Variants in PIP5K1B observed in about 807,000 individuals in gnomAD.
PIP5K1B encodes phosphatidylinositol-4-phosphate 5-kinase type 1 beta.
In PIP5K1B, 42 loss-of-function variants were observed where a neutral mutation model predicts 67.0. That is an observed-to-expected ratio of 0.63 (90% CI 0.49 to 0.81). The LOEUF (loss-of-function observed/expected upper bound fraction) is 0.81, where lower values mean the gene tolerates loss of function less well. PIP5K1B is among the 30% of genes least tolerant of loss of function. The pLI is 0.00. For missense variants in PIP5K1B, 459 were observed against 646.3 expected (o/e 0.71, Z 3.14); for synonymous variants, 214 against 231.4 (o/e 0.92, Z 0.68).
At chr9:69,005,108 T>C (rs1831016241) in intron 15 of PIP5K1B, among the ~76,000 whole-genome samples, 1 of 140,540 alleles carries the variant, frequency 7.1e-6, no homozygotes, top group African/African-American at 2.5e-5. Flanking sequence ...TTCTATGACA[T>C]CCTTAGTTTA....
intron 1 of PIP5K1B, among the ~76,000 whole-genome samples, chr9:68,724,665 A>G (rs1828067066): frequency 6.6e-6 from 1 of 151,826 alleles, no homozygotes; most frequent in South Asian, 2.1e-4. Flanking sequence ...TGAGTTTATT[A>G]CTAGGTTTTT....
At chr9:68,804,584 T>C (rs1832765598) in intron 2 of PIP5K1B, among the ~76,000 whole-genome samples, 1 of 138,396 alleles carries the variant, frequency 7.2e-6, no homozygotes, top group African/African-American at 2.7e-5. Context: ...TCTTCTAGTT[T>C]TCAATTTTTT....
intron 14 of PIP5K1B, among the ~76,000 whole-genome samples, chr9:68,952,294 G>A (rs1015465394): frequency 6.6e-6 from 1 of 152,166 alleles, no homozygotes; most frequent in African/African-American, 2.4e-5. Flanking sequence ...ATGAGGTTCT[G>A]TTCCTTTTAT....
At chr9:68,975,369 A>T (rs1829588934) in intron 14 of PIP5K1B, among the ~76,000 whole-genome samples, 1 of 152,252 alleles carries the variant, frequency 6.6e-6, no homozygotes, top group East Asian at 1.9e-4. Flanking sequence ...GCACCCAGCC[A>T]CGTCTTACTT....
chr9:68,707,297 C>T (rs1290385526), intron 1 of PIP5K1B, among the ~76,000 whole-genome samples: 1 of 152,190 alleles, frequency 6.6e-6, no homozygotes, highest in African/African-American at 2.4e-5. Flanking sequence ...AATAATAACA[C>T]CTTACATTTG....
At chr9:68,914,404 A>G (rs778761582) in intron 8 of PIP5K1B, among the ~76,000 whole-genome samples, 2 of 152,168 alleles carry the variant, frequency 1.3e-5, no homozygotes, top group Non-Finnish European at 2.9e-5. Flanking sequence ...GCAGGGCAGA[A>G]GACTGTGTTT....
At chr9:68,880,570 CACACACACACACACACACGCAT>C (rs1318928108) in intron 6 of PIP5K1B, among the ~76,000 whole-genome samples, 2 of 52,130 alleles carry the variant, frequency 3.8e-5, no homozygotes, top group African/African-American at 1.0e-4. Context: ...CACACACACA[CACACACACACACACACACGCAT>C]ACACACACAC....
intron 2 of PIP5K1B, among the ~76,000 whole-genome samples, chr9:68,775,180 C>A (rs1443902605): frequency 6.6e-6 from 1 of 152,132 alleles, no homozygotes; most frequent in African/African-American, 2.4e-5. Flanking sequence ...AATTTAATGC[C>A]CTTTCCATCT....
At chr9:68,866,018 A>C (rs945572) in intron 5 of PIP5K1B, among the ~76,000 whole-genome samples, 2,727 of 152,320 alleles carry the variant, frequency 0.018, 73 homozygotes, top group African/African-American at 0.058. Flanking sequence ...AGCACTTTGC[A>C]TCTTTGGCCT....
chr9:68,869,035 T>C (rs959693669), intron 5 of PIP5K1B, among the ~76,000 whole-genome samples: 2 of 152,192 alleles, frequency 1.3e-5, no homozygotes, highest in African/African-American at 4.8e-5. Context: ...AAATATTGCC[T>C]CATATCATCA....
intron 13 of PIP5K1B, among the ~76,000 whole-genome samples, chr9:68,940,375 T>C (rs1002943171): frequency 1.3e-5 from 2 of 152,200 alleles, no homozygotes; most frequent in Non-Finnish European, 2.9e-5. Context: ...AAATAGTAAA[T>C]CACTTTATTA....
chr9:69,007,526 T>C (rs980894539), intron 15 of PIP5K1B, among the ~76,000 whole-genome samples: 3 of 152,286 alleles, frequency 2.0e-5, no homozygotes, highest in Admixed American at 6.5e-5. Context: ...ACAACAAGGT[T>C]CCAAGAAGAT....
chr9:68,754,944 C>A (rs1829847782), intron 2 of PIP5K1B, among the ~76,000 whole-genome samples: 1 of 152,090 alleles, frequency 6.6e-6, no homozygotes, highest in African/African-American at 2.4e-5. Context: ...AGCAGTTGAA[C>A]TCTGTGAAAA....
chr9:68,778,541 C>T (rs931887486), intron 2 of PIP5K1B, among the ~76,000 whole-genome samples: 2 of 152,196 alleles, frequency 1.3e-5, no homozygotes, highest in Non-Finnish European at 2.9e-5. Flanking sequence ...TCTAACTCAA[C>T]ACATATCCTC....
rs556889882 is a variant in PIP5K1B, at chr9:68,958,534, T to C, written c.1502+17744T>C. ...TTTGTGCAAATCTTAGAGAAATTTT[T>C]CTCAGTATTCATTTTTATTGAGACA... On this transcript the variant is annotated intron_variant, in intron 14 of 15. Coordinates refer to ENST00000265382, the MANE Select transcript of PIP5K1B (RefSeq NM_003558.4). Among the ~76,000 whole-genome samples, 388 of 152,334 alleles carry C rather than the reference T, an allele frequency of 2.5e-3. 3 individuals are homozygous for C. Among genetic ancestry groups the C allele is most frequent in the African/African-American group, 9.0e-3 (373 of 41,572 alleles).
At chr9:68,746,229 T>A (rs1249647303) in intron 2 of PIP5K1B, among the ~76,000 whole-genome samples, 7 of 151,976 alleles carry the variant, frequency 4.6e-5, no homozygotes, top group Middle Eastern at 3.4e-3. Context: ...CAGGCATGCA[T>A]CACCATGCCT....
intron 4 of PIP5K1B, among the ~76,000 whole-genome samples, chr9:68,852,255 CTGTT>C (rs1822529620): frequency 2.6e-5 from 4 of 152,230 alleles, no homozygotes; most frequent in African/African-American, 9.6e-5. Flanking sequence ...AAGAAAGACT[CTGTT>C]TGCAAAGATG....
intron 2 of PIP5K1B, among the ~76,000 whole-genome samples, chr9:68,795,663 C>A (rs181739052): frequency 6.6e-6 from 1 of 151,016 alleles, no homozygotes; most frequent in African/African-American, 2.4e-5. Flanking sequence ...TTTAGGAAAT[C>A]TTCCAGACTA....
At chr9:68,934,779 A>G in intron 12 of PIP5K1B, 111 bp from the exon 13 acceptor site, 1 of 736,436 alleles carries the variant, frequency 1.4e-6, no homozygotes, top group South Asian at 3.7e-5. Context: ...CTTGTCTTCT[A>G]TTCAAATAAT....
Sources: allele counts gnomAD v4.1 joint callset (sites outside exome capture counted in the v4.1 genomes callset), GRCh38; gene constraint gnomAD v4.1.1; transcripts MANE v1.5; gene names NCBI Gene and HGNC (gene_info 2026-07-23, HGNC 2026-07-21).